Variants in PRKCH observed in about 807,000 individuals in gnomAD.
The protein encoded by PRKCH is protein kinase C eta type.
In PRKCH, 28 loss-of-function variants were observed where a neutral mutation model predicts 82.5. That is an observed-to-expected ratio of 0.34 (90% confidence interval 0.25 to 0.47). PRKCH has a LOEUF of 0.47. PRKCH is among the 20% of genes least tolerant of loss of function. The probability of loss-of-function intolerance (pLI) is 1.00; values close to 1 mark genes in which losing one functional copy is unlikely to be tolerated. For synonymous variants in PRKCH, 322 were observed against 327.4 expected (o/e 0.98, Z 0.18); for missense variants, 705 against 881.8 (o/e 0.80, Z 2.54).
In PRKCH at chr14:61,280,597, C is replaced by T. The variant is rs769589454; in HGVS notation, c.-19+92929C>T. Reference sequence around the variant, plus strand: ...GTCGAGCGGCACCTCGACGTAGGGCCCGCCGGGCTGGCGCTGGTGCCAAAG... The same window carrying T: ...GTCGAGCGGCACCTCGACGTAGGGCTCGCCGGGCTGGCGCTGGTGCCAAAG... On this transcript the variant is annotated intron_variant, in intron 1 of 3. Transcript: ENST00000555185. This position sits in a 1 kb window ranked among gnomAD's most constrained non-coding sequence, Gnocchi z 5.0. 8.2e-6 allele frequency: 13 copies of T among 1,591,740 alleles called. No individual in the cohort carries two copies. The highest frequency in any genetic ancestry group is 1.0e-5 in the Non-Finnish European group (12 of 1,169,484).
chr14:61,278,347 T>C (rs956624236), intron 1 of PRKCH: 3 of 152,188 alleles, frequency 2.0e-5, no homozygotes, highest in Non-Finnish European at 2.9e-5. Context: ...AGCCAACACA[T>C]TAAATTAACA....
At chr14:61,382,019 A>G (rs1020902313) in intron 1 of PRKCH, among the ~76,000 whole-genome samples, 1 of 152,134 alleles carries the variant, frequency 6.6e-6, no homozygotes, top group Non-Finnish European at 1.5e-5. Flanking sequence ...CCCTTTTTCC[A>G]TCTGTGCAAC....
chr14:61,243,181 G>A (rs943074850), intron 1 of PRKCH, among the ~76,000 whole-genome samples: 2 of 151,966 alleles, frequency 1.3e-5, no homozygotes, highest in Admixed American at 1.3e-4. Context: ...AATCACTTGA[G>A]GTCTGGATTT....
chr14:61,300,645 A>G (rs2045441601), intron 1 of PRKCH, among the ~76,000 whole-genome samples: 1 of 152,170 alleles, frequency 6.6e-6, no homozygotes, highest in South Asian at 2.1e-4. Context: ...AGTCCTTGGT[A>G]AGGTTTTCCT....
intron 1 of PRKCH, chr14:61,306,615 C>G (rs1456810980): frequency 6.6e-6 from 1 of 152,180 alleles, no homozygotes; most frequent in African/African-American, 2.4e-5. Context: ...CTAGTTGTTT[C>G]TAGTGGGAGG....
intron 1 of PRKCH, among the ~76,000 whole-genome samples, chr14:61,196,064 G>A (rs1254182309): frequency 6.6e-6 from 1 of 152,120 alleles, no homozygotes; most frequent in African/African-American, 2.4e-5. Flanking sequence ...AGGAGAGAGA[G>A]ACAACATGGG....
In PRKCH at chr14:61,379,234, A is replaced by G. The variant is rs369498705; in HGVS notation, c.364-11991A>G. Among the ~76,000 whole-genome samples the G allele has an allele frequency of 1.8e-4, 28 of 152,030 alleles. No homozygotes were observed. The South Asian group carries it at 4.8e-3, about 26-fold the overall frequency. On this transcript the variant is annotated intron_variant, in intron 1 of 13. Transcript: ENST00000332981. ...CCCCCTCCCCAGGTCCACTTGGAAA[A>G]CCATCACCTGAATTTCTAGGCATTG...
chr14:61,451,034 A>C, intron 6 of PRKCH, 63 bp downstream of exon 6: 1 of 1,559,380 alleles, frequency 6.4e-7, no homozygotes. Context: ...AAGCTTTCAG[A>C]ATTCTGTGGA....
chr14:61,407,965 T>C (rs1053818076), intron 2 of PRKCH, among the ~76,000 whole-genome samples: 2 of 152,230 alleles, frequency 1.3e-5, no homozygotes, highest in Non-Finnish European at 2.9e-5. Context: ...CATCCCCTGT[T>C]GTCTGAATTT....
intron 1 of PRKCH, chr14:61,277,282 T>A (rs1337684293): frequency 6.6e-6 from 1 of 152,214 alleles, no homozygotes; most frequent in African/African-American, 2.4e-5. Flanking sequence ...GGAAAATCTT[T>A]GTCATATTAT....
chr14:61,295,786 G>C (rs1026969272), intron 1 of PRKCH, among the ~76,000 whole-genome samples: 3 of 152,188 alleles, frequency 2.0e-5, no homozygotes, highest in African/African-American at 7.2e-5. Flanking sequence ...TACTGTTGCT[G>C]CCCATTTGTG....
chr14:61,523,155 TG>T (rs1416158438), intron 10 of PRKCH, among the ~76,000 whole-genome samples: 2 of 152,226 alleles, frequency 1.3e-5, no homozygotes, highest in African/African-American at 4.8e-5. Flanking sequence ...AGGCAGCAAA[TG>T]ATCTGCACAT....
At chr14:61,529,813 A>C (rs1170241977) in intron 11 of PRKCH, among the ~76,000 whole-genome samples, 2 of 149,618 alleles carry the variant, frequency 1.3e-5, no homozygotes, top group Non-Finnish European at 3.0e-5. Flanking sequence ...CTAGATGACG[A>C]GTTAGTGGGT....
rs113751513 is a variant in PRKCH, at chr14:61,449,085, C to T, written c.614-79C>T. The T allele has an allele frequency of 2.1e-3, 2,784 of 1,343,944 alleles. 36 individuals carry two copies. The African/African-American group carries it at 0.034, about 16-fold the overall frequency. The allele number at this position is 1,343,944 out of a possible 1,614,324, so 83.3% of individuals were successfully genotyped here. A position where few individuals can be genotyped will look rare whatever the true frequency, so the allele number is the denominator to read the frequency against. ...CGAGTCCAGTCTTGTTGGCACGGTG[C>T]AGCCCTGGTTGACTCTGCTGTAACT... is the stretch of plus-strand genomic sequence containing the variant. On this transcript the variant is annotated intron_variant, in intron 4 of 13. Coordinates refer to ENST00000332981, the MANE Select transcript of PRKCH (RefSeq NM_006255.5).
At chr14:61,194,428 AAG>A (rs1479090053) in intron 1 of PRKCH, among the ~76,000 whole-genome samples, 1 of 152,210 alleles carries the variant, frequency 6.6e-6, no homozygotes, top group African/African-American at 2.4e-5. Context: ...GCTCTTATAA[AAG>A]AGACCCCTGG....
intron 2 of PRKCH, among the ~76,000 whole-genome samples, chr14:61,430,280 AG>A (rs543144440): frequency 1.1e-3 from 171 of 152,340 alleles, no homozygotes; most frequent in African/African-American, 3.6e-3. Context: ...ACCACTAGAA[AG>A]GCTAAAATGA....
intron 1 of PRKCH, among the ~76,000 whole-genome samples, chr14:61,239,435 T>A (rs940770396): frequency 1.3e-5 from 2 of 152,162 alleles, no homozygotes; most frequent in Admixed American, 1.3e-4. Flanking sequence ...GCAGGGGTTT[T>A]ATAGTCTCCT....
intron 10 of PRKCH, among the ~76,000 whole-genome samples, chr14:61,516,082 G>T (rs548746390): frequency 1.3e-5 from 2 of 152,258 alleles, no homozygotes; most frequent in African/African-American, 4.8e-5. Flanking sequence ...TAAAGTCTGT[G>T]CCCGTAGCCT....
chr14:61,472,506 G>A (rs1422030157), intron 9 of PRKCH, among the ~76,000 whole-genome samples: 1 of 152,128 alleles, frequency 6.6e-6, no homozygotes, highest in Admixed American at 6.5e-5. Context: ...CAATATGATT[G>A]GGCTTTGAGG....
Sources: allele counts gnomAD v4.1 joint callset (sites outside exome capture counted in the v4.1 genomes callset), GRCh38; gene constraint gnomAD v4.1.1; non-coding constraint Gnocchi (gnomAD v3.1); transcripts MANE v1.5; gene names NCBI Gene and HGNC (gene_info 2026-07-23, HGNC 2026-07-21).